The following KIAA0319 variants were observed in gnomAD, a reference collection of about 807,000 sequenced individuals.
KIAA0319 encodes KIAA0319.
In KIAA0319, 83 loss-of-function variants were observed where a neutral mutation model predicts 108.4. That is an observed-to-expected ratio of 0.77 (90% CI 0.64 to 0.92). KIAA0319 has a LOEUF of 0.92. KIAA0319 is among the 40% of genes least tolerant of loss of function. The pLI is 0.00. For missense variants in KIAA0319, 1,195 were observed against 1,322.4 expected (o/e 0.90, Z 1.49); for synonymous variants, 484 against 510.4 (o/e 0.95, Z 0.70).
At chr6:24,642,863 A>G (rs760811791) in intron 1 of KIAA0319, among the ~76,000 whole-genome samples, 1 of 152,030 alleles carries the variant, frequency 6.6e-6, no homozygotes, top group African/African-American at 2.4e-5. Flanking sequence ...GCCCACCACT[A>G]TGCCTGGCTA....
At chr6:24,643,013 T>C (rs991290522) in intron 1 of KIAA0319, among the ~76,000 whole-genome samples, 3 of 152,204 alleles carry the variant, frequency 2.0e-5, no homozygotes, top group Non-Finnish European at 4.4e-5. Context: ...CCCAGCCTCC[T>C]TTGCTTTTTT....
At chr6:24,628,099 C>T (rs191341841) in intron 1 of KIAA0319, among the ~76,000 whole-genome samples, 3 of 152,262 alleles carry the variant, frequency 2.0e-5, no homozygotes, top group Admixed American at 2.0e-4. Flanking sequence ...CTAATAATTA[C>T]AGAACATGGG....
intron 4 of KIAA0319, among the ~76,000 whole-genome samples, 183 bp from the exon 5 acceptor site, chr6:24,583,885 T>A (rs906585627): frequency 1.3e-5 from 2 of 152,202 alleles, no homozygotes; most frequent in Non-Finnish European, 1.5e-5. Flanking sequence ...GTACACTATA[T>A]TATAGTACAG....
chr6:24,602,373 C>A (rs957864019), intron 1 of KIAA0319, among the ~76,000 whole-genome samples: 1 of 150,390 alleles, frequency 6.6e-6, no homozygotes, highest in Non-Finnish European at 1.5e-5. Flanking sequence ...ATCAGGATGT[C>A]CTACAGTTGC....
chr6:24,610,892 T>A (rs968936053), intron 1 of KIAA0319, among the ~76,000 whole-genome samples: 1 of 152,054 alleles, frequency 6.6e-6, no homozygotes, highest in Non-Finnish European at 1.5e-5. Flanking sequence ...TGTAAAGGCA[T>A]AGTAATAGGC....
chr6:24,596,958 TCCATCCATCCATCCACCCTC>T (rs1285027900), intron 2 of KIAA0319, among the ~76,000 whole-genome samples: 2 of 151,792 alleles, frequency 1.3e-5, no homozygotes, highest in African/African-American at 2.4e-5. Flanking sequence ...CATCCATCCA[TCCATCCATCCATCCACCCTC>T]CCATCCATCC....
chr6:24,554,606 C>T lies in KIAA0319; in HGVS notation c.2883G>A (p.Val961=). Residue 961 remains valine, a synonymous_variant, in exon 19 of 21, where the codon GTG becomes GTA. Coordinates refer to ENST00000378214, the MANE Select transcript of KIAA0319 (RefSeq NM_014809.4). Reference sequence around the variant, plus strand: ...TTAGCACAATAAGAGTAAAAGCCAACACTGTCACATAGAATATACTCCACT... The same window carrying T: ...TTAGCACAATAAGAGTAAAAGCCAATACTGTCACATAGAATATACTCCACT... ...NCEWSIFYVT[V]LAFTLIVLTG... 6.8e-6 allele frequency: 11 copies of T among 1,613,786 alleles called. No individual in the cohort carries two copies. The highest frequency in any genetic ancestry group is 9.3e-6 in the Non-Finnish European group (11 of 1,179,814).
rs766683604 is a variant in KIAA0319, at chr6:24,576,425, A to G, written c.1677T>C (p.Ile559=). 6.2e-7 allele frequency: 1 copy of G among 1,614,156 alleles called. No individual in the cohort carries two copies. The highest frequency in any genetic ancestry group is 8.5e-7 in the Non-Finnish European group (1 of 1,180,014). Residue 559 remains isoleucine, a synonymous_variant, in exon 10 of 21, where the codon ATT becomes ATC. Transcript: ENST00000378214. The part of the protein sequence containing the change: ...NGNQSSDDHQ[I]VLYEWSLGPG... ...GACCCAGGGACCACTCATAGAGGAC[A>G]ATCTGGTGATCGTCACTGCTCTGGT...
chr6:24,558,955 C>G (rs1762704276), intron 17 of KIAA0319, 58 bp downstream of exon 17: 10 of 1,507,640 alleles, frequency 6.6e-6, no homozygotes, highest in Non-Finnish European at 8.1e-6. Flanking sequence ...CTATGTTTGT[C>G]AAACTTATCC....
chr6:24,599,818 C>A lies in KIAA0319; in HGVS notation c.55+1231G>T. On this transcript the variant is annotated intron_variant, in intron 2 of 20. Transcript: ENST00000378214. This position sits in a 1 kb window ranked among gnomAD's most constrained non-coding sequence, Gnocchi z 4.1. Reference sequence around the variant, plus strand: ...GCCACAGCAGCCCCTCCCAGCCTACCCCCTCCTGTGACTGCCCCAGAGCCT... The same window carrying A: ...GCCACAGCAGCCCCTCCCAGCCTACACCCTCCTGTGACTGCCCCAGAGCCT... 1 of 460,436 alleles carries A rather than the reference C, an allele frequency of 2.2e-6. No individual in the cohort carries two copies. Among genetic ancestry groups the A allele is most frequent in the Middle Eastern group, 7.9e-4 (1 of 1,268 alleles). 28.5% of individuals were successfully genotyped at this position (460,436 alleles called of 1,614,324 possible). A position where few individuals can be genotyped will look rare whatever the true frequency, so the allele number is the denominator to read the frequency against.
intron 14 of KIAA0319, among the ~76,000 whole-genome samples, chr6:24,564,843 T>C (rs921948968): frequency 2.6e-5 from 4 of 152,354 alleles, no homozygotes; most frequent in East Asian, 1.9e-4. Context: ...CTCCTGCTAA[T>C]AGAAGGGGTG....
At chr6:24,617,845 G>A (rs1773377603) in intron 1 of KIAA0319, among the ~76,000 whole-genome samples, 2 of 152,098 alleles carry the variant, frequency 1.3e-5, no homozygotes, top group Admixed American at 1.3e-4. Context: ...AAATTAGCCA[G>A]ATGTGGTGGC....
chr6:24,557,203 CA>C (rs11449073), intron 17 of KIAA0319, among the ~76,000 whole-genome samples: 2 of 150,552 alleles, frequency 1.3e-5, no homozygotes, highest in East Asian at 2.0e-4. Context: ...GACTTTGTCT[CA>C]AAAAAAAAGT....
At chr6:24,645,308 T>C (rs184123986) in intron 1 of KIAA0319, among the ~76,000 whole-genome samples, 70 of 152,354 alleles carry the variant, frequency 4.6e-4, no homozygotes, top group African/African-American at 1.5e-3. Flanking sequence ...ATGATAACTC[T>C]CAAAATTTCA....
intron 3 of KIAA0319, among the ~76,000 whole-genome samples, chr6:24,590,590 G>A (rs1562011103): frequency 6.6e-6 from 1 of 152,088 alleles, no homozygotes; most frequent in Non-Finnish European, 1.5e-5. Context: ...AATCCCATAG[G>A]ATGAATTGAA....
chr6:24,584,842 A>G (rs1035584741), intron 4 of KIAA0319, among the ~76,000 whole-genome samples: 4 of 152,242 alleles, frequency 2.6e-5, no homozygotes, highest in African/African-American at 4.8e-5. Flanking sequence ...AAAATGATCA[A>G]TTCATTTAAT....
intron 20 of KIAA0319, among the ~76,000 whole-genome samples, chr6:24,550,285 C>A (rs559802520): frequency 6.6e-6 from 1 of 152,376 alleles, no homozygotes; most frequent in East Asian, 1.9e-4. Context: ...GCTTCCTCCT[C>A]TCCCAGTCTC....
At chr6:24,642,149 AGGAG>A (rs541372328) in intron 1 of KIAA0319, among the ~76,000 whole-genome samples, 9 of 84,656 alleles carry the variant, frequency 1.1e-4, no homozygotes, top group South Asian at 5.8e-4. Flanking sequence ...AGGGGAGGGA[AGGAG>A]GGAGGGAGGG....
intron 4 of KIAA0319, among the ~76,000 whole-genome samples, chr6:24,584,068 T>C (rs1767061563): frequency 6.6e-6 from 1 of 152,202 alleles, no homozygotes; most frequent in African/African-American, 2.4e-5. Flanking sequence ...GAGCTATTTT[T>C]AGTTATAAAA....
Sources: allele counts gnomAD v4.1 joint callset (sites outside exome capture counted in the v4.1 genomes callset), GRCh38; gene constraint gnomAD v4.1.1; non-coding constraint Gnocchi (gnomAD v3.1); transcripts MANE v1.5; gene names NCBI Gene and HGNC (gene_info 2026-07-23, HGNC 2026-07-21).